Variants in SPACA6 observed in about 807,000 individuals in gnomAD.
SPACA6 encodes the protein sperm acrosome associated 6.
For synonymous variants in SPACA6, 6 were observed against 1.5 expected, an observed-to-expected ratio of 4.05 and a Z score of -2.21; for missense variants, 8 against 2.8, an observed-to-expected ratio of 2.88 and a Z score of -1.34.
At chr19:51,692,983 TCCCTGCATC>T (rs2083388843), upstream of SPACA6, 55 of 411,616 alleles carry the variant, frequency 1.3e-4, no homozygotes, top group South Asian at 9.4e-4. The surrounding 1 kb of genome is among the most constrained non-coding windows in gnomAD (Gnocchi z 5.6). Flanking sequence ...TCTGTCCTTG[TCCCTGCATC>T]CCCTCCTTCC....
At chr19:51,699,905 T>C (rs933300338) in intron 2 of SPACA6, among the ~76,000 whole-genome samples, 3 of 152,172 alleles carry the variant, frequency 2.0e-5, no homozygotes, top group Non-Finnish European at 4.4e-5. Flanking sequence ...AGCTGTCTAT[T>C]CTTATTCCAC....
chr19:51,696,448 T>C (rs1449730879), intron 2 of SPACA6, among the ~76,000 whole-genome samples: 1 of 151,934 alleles, frequency 6.6e-6, no homozygotes, highest in Admixed American at 6.6e-5. Context: ...AAAGGGGTGA[T>C]AGTTTTTTTG....
chr19:51,694,076 C>T (rs201340350), intron 1 of SPACA6: 10 of 251,930 alleles, frequency 4.0e-5, no homozygotes, highest in Admixed American at 1.7e-4. Context: ...GATGGACACT[C>T]GGGAGGATGG....
upstream of SPACA6, chr19:51,692,936 T>C: frequency 2.0e-6 from 1 of 506,088 alleles, no homozygotes; most frequent in South Asian, 1.4e-5. This position sits in a 1 kb window ranked among gnomAD's most constrained non-coding sequence, Gnocchi z 5.6. Context: ...CCCACTGGGC[T>C]GCCCCAGGGA....
chr19:51,690,414 T>C (rs1305968394), upstream of SPACA6, among the ~76,000 whole-genome samples: 6 of 152,072 alleles, frequency 3.9e-5, no homozygotes, highest in East Asian at 1.9e-4. Flanking sequence ...TTTCTCCCTT[T>C]GAAGCCTGCA....
At chr19:51,711,948 TG>T (rs1157364670) in intron 2 of SPACA6, 3 of 152,104 alleles carry the variant, frequency 2.0e-5, no homozygotes. Context: ...GTGATGAAAA[TG>T]TTCTAAAATT....
At chr19:51,692,701 T>C (rs769337102), upstream of SPACA6, 1 of 533,552 alleles carries the variant, frequency 1.9e-6, no homozygotes, top group Non-Finnish European at 3.9e-6. The surrounding 1 kb of genome is among the most constrained non-coding windows in gnomAD (Gnocchi z 5.6). Flanking sequence ...CCATCGCGGC[T>C]GGGGCCTCCC....
chr19:51,692,980 T>C (rs1363577577), upstream of SPACA6: 2 of 420,378 alleles, frequency 4.8e-6, no homozygotes, highest in Non-Finnish European at 9.7e-6. The surrounding 1 kb of genome is among the most constrained non-coding windows in gnomAD (Gnocchi z 5.6). Context: ...TTTTCTGTCC[T>C]TGTCCCTGCA....
upstream of SPACA6, chr19:51,692,578 G>A (rs1419534704): frequency 5.8e-6 from 3 of 514,034 alleles, no homozygotes; most frequent in East Asian, 1.7e-4. This position sits in a 1 kb window ranked among gnomAD's most constrained non-coding sequence, Gnocchi z 5.6. Flanking sequence ...GTTCCTTGGG[G>A]AGGAGGGGCC....
At chr19:51,696,245 C>T (rs1381619641) in intron 2 of SPACA6, among the ~76,000 whole-genome samples, 3 of 152,060 alleles carry the variant, frequency 2.0e-5, no homozygotes, top group African/African-American at 4.8e-5. Context: ...TGGTGCAATA[C>T]GTTCAATTAT....
chr19:51,705,158 C>T lies in SPACA6; in HGVS notation c.*35C>T, dbSNP rs889569171. Reference sequence around the variant, plus strand: ...CTTTCCTCCTTCCCTATCCTATTTCCATCCTGAAAATAAAGAATATATTTC... The same window carrying T: ...CTTTCCTCCTTCCCTATCCTATTTCTATCCTGAAAATAAAGAATATATTTC... On this transcript the variant is annotated 3_prime_UTR_variant, in exon 9 of 9. Coordinates refer to ENST00000637797, the MANE Select transcript of SPACA6 (RefSeq NM_001316972.2). 2 of 401,228 alleles carry T rather than the reference C, an allele frequency of 5.0e-6. No homozygotes were observed. The highest frequency in any genetic ancestry group is 4.4e-5 in the Admixed American group (1 of 22,736). 24.9% of individuals were successfully genotyped at this position (401,228 alleles called of 1,614,324 possible). A position where few individuals can be genotyped will look rare whatever the true frequency, so the allele number is the denominator to read the frequency against.
At chr19:51,704,639 G>T in intron 8 of SPACA6, 159 bp downstream of exon 8, 1 of 398,294 alleles carries the variant, frequency 2.5e-6, no homozygotes. Context: ...CTCTTTACTA[G>T]CCCAGGAATC....
At chr19:51,699,254 T>A (rs1249688760) in intron 2 of SPACA6, among the ~76,000 whole-genome samples, 1 of 152,118 alleles carries the variant, frequency 6.6e-6, no homozygotes, top group Non-Finnish European at 1.5e-5. Context: ...AGTGATCCTG[T>A]CACCTCAGCC....
At chr19:51,689,950 A>G (rs1600129314), upstream of SPACA6, among the ~76,000 whole-genome samples, 1 of 75,166 alleles carries the variant, frequency 1.3e-5, no homozygotes, top group African/African-American at 5.1e-5. Context: ...GTCTGGCTGG[A>G]GGGGAGGGGG....
rs2083509432 is a variant in SPACA6, at chr19:51,705,188, C to G, written c.*65C>G. 2.5e-6 allele frequency: 1 copy of G among 401,040 alleles called. No individual in the cohort carries two copies. Among genetic ancestry groups the G allele is most frequent in the Non-Finnish European group, 4.4e-6 (1 of 226,186 alleles). 24.8% of individuals were successfully genotyped at this position (401,040 alleles called of 1,614,324 possible). On this transcript the variant is annotated 3_prime_UTR_variant, in exon 9 of 9. Transcript: ENST00000637797. ...TGAAAATAAAGAATATATTTCAACT[C>G]TAGATTGTTTCATCTCCGAAGGTGG...
intron 2 of SPACA6, among the ~76,000 whole-genome samples, chr19:51,699,481 G>T (rs1332240166): frequency 6.6e-6 from 1 of 152,164 alleles, no homozygotes; most frequent in Non-Finnish European, 1.5e-5. Flanking sequence ...CCTGTGTGTT[G>T]GTTTGCTAGG....
At chr19:51,711,010 G>A (rs1022949368) in intron 2 of SPACA6, among the ~76,000 whole-genome samples, 31 of 152,202 alleles carry the variant, frequency 2.0e-4, no homozygotes, top group Admixed American at 2.0e-3. Flanking sequence ...AACCTGGGAC[G>A]CAGAGGTTGC....
At chr19:51,709,886 GAGA>G (rs1354850644), downstream of SPACA6, among the ~76,000 whole-genome samples, 4 of 152,198 alleles carry the variant, frequency 2.6e-5, no homozygotes, top group South Asian at 2.1e-4. Flanking sequence ...TGTTGGATGA[GAGA>G]AGGAGAGAGG....
At chr19:51,708,131 A>G (rs944559151), downstream of SPACA6, among the ~76,000 whole-genome samples, 1 of 152,172 alleles carries the variant, frequency 6.6e-6, no homozygotes, top group Non-Finnish European at 1.5e-5. Context: ...TCCTAATCAT[A>G]GCCTAGTCTT....
Sources: allele counts gnomAD v4.1 joint callset (sites outside exome capture counted in the v4.1 genomes callset), GRCh38; gene constraint gnomAD v4.1.1; non-coding constraint Gnocchi (gnomAD v3.1); transcripts MANE v1.5; gene names NCBI Gene and HGNC (gene_info 2026-07-23, HGNC 2026-07-21).